RBM47: variants seen among roughly 807,000 people sequenced by gnomAD.
RBM47 encodes the protein RNA binding motif protein 47.
RBM47 carries 21 observed loss-of-function variants against 47.1 expected under a neutral mutation model. That is an observed-to-expected ratio of 0.45 (90% CI 0.32 to 0.64). The LOEUF (loss-of-function observed/expected upper bound fraction) is 0.64, where lower values mean the gene tolerates loss of function less well. Ranked by LOEUF, RBM47 falls within the 30% of genes least tolerant of loss-of-function variation. RBM47 has a pLI of 0.05. For synonymous variants in RBM47, 375 were observed against 361.7 expected, an observed-to-expected ratio of 1.04 and a Z score of -0.42; for missense variants, 708 against 870.9, an observed-to-expected ratio of 0.81 and a Z score of 2.35.
At chr4:40,534,916 T>A (rs1318312639) in intron 2 of RBM47, among the ~76,000 whole-genome samples, 2 of 130,882 alleles carry the variant, frequency 1.5e-5, no homozygotes, top group African/African-American at 6.6e-5. Flanking sequence ...GCCTGGGCGA[T>A]GGAGCAAGAC....
intron 2 of RBM47, among the ~76,000 whole-genome samples, chr4:40,481,472 TTATTATTATTA>T (rs1560406070): frequency 1.4e-4 from 19 of 133,596 alleles, no homozygotes; most frequent in African/African-American, 1.8e-4. Flanking sequence ...ATTATTATTA[TTATTATTATTA>T]TTATTTTTAT....
In RBM47 at chr4:40,450,432, GA is replaced by G. The variant is rs758132718; in HGVS notation, c.-31-11509del. ...AACATAGTGAAACTCTGTCTCTACT[GA>G]AAAAAAAAAAATATAAAACTTAGCC... On this transcript the variant is annotated intron_variant, in intron 3 of 6. Coordinates refer to ENST00000295971, the MANE Select transcript of RBM47 (RefSeq NM_001098634.2). 9.0e-3 allele frequency among the ~76,000 whole-genome samples: 1,291 copies of G among 144,100 alleles called. 8 individuals carry two copies. Among genetic ancestry groups the G allele is most frequent in the Non-Finnish European group, 0.013 (879 of 65,246 alleles). The allele number at this position is 144,100 out of a possible 152,430, so 94.5% of individuals were successfully genotyped here. A position where few individuals can be genotyped will look rare whatever the true frequency, so the allele number is the denominator to read the frequency against.
Position 40,456,248 on chromosome 4 carries a change from T to G in RBM47, c.-32+10329A>C, listed in dbSNP as rs538290824. 2.0e-3 allele frequency among the ~76,000 whole-genome samples: 311 copies of G among 152,324 alleles called. 8 individuals carry two copies. Among genetic ancestry groups the G allele is most frequent in the Admixed American group, 0.02 (311 of 15,292 alleles). ...ATATACCATGTTAAAATTAAAATAT[T>G]ACAATTACTGAAGCAGGTTTAAGAG... On this transcript the variant is annotated intron_variant, in intron 3 of 6. Coordinates refer to ENST00000295971, the MANE Select transcript of RBM47 (RefSeq NM_001098634.2).
Position 40,426,072 on chromosome 4 carries a change from C to G in RBM47, c.1614G>C (p.Gly538=). 6.2e-7 allele frequency: 1 copy of G among 1,614,164 alleles called. No homozygotes were observed. The highest frequency in any genetic ancestry group is 1.1e-5 in the South Asian group (1 of 91,066). The change falls in exon 7 of 7, where the codon GGG becomes GGC. Residue 538 remains glycine (G), a synonymous_variant. Coordinates refer to ENST00000295971, the MANE Select transcript of RBM47 (RefSeq NM_001098634.2). ...GAGCAGCAAATGGCACGTAACTGGC[C>G]CCGTAGATCCCGGCAGTAGGAATTC... The part of the protein sequence containing the change: ...VQRIPTAGIY[G]ASYVPFAAPA...
intron 2 of RBM47, among the ~76,000 whole-genome samples, chr4:40,481,371 C>T (rs561410655): frequency 6.7e-5 from 10 of 149,904 alleles, no homozygotes; most frequent in African/African-American, 2.4e-4. Flanking sequence ...CTCCCAGGTT[C>T]AAGCAATTCT....
At chr4:40,514,788 T>C (rs915571843) in intron 2 of RBM47, 9 of 152,164 alleles carry the variant, frequency 5.9e-5, no homozygotes, top group African/African-American at 1.7e-4. Context: ...AACTTTCAGG[T>C]GGTGGGGGCG....
chr4:40,511,864 G>A (rs1724975562), intron 2 of RBM47, among the ~76,000 whole-genome samples: 2 of 151,462 alleles, frequency 1.3e-5, no homozygotes, highest in Admixed American at 6.6e-5. Flanking sequence ...GAACCTGGGA[G>A]GCACAGGTTA....
intron 6 of RBM47, among the ~76,000 whole-genome samples, chr4:40,431,636 C>A (rs564434191): frequency 1.5e-5 from 2 of 135,924 alleles, no homozygotes; most frequent in East Asian, 2.2e-4. Context: ...CCAGCCTGGG[C>A]GACAGAGCGA....
intron 6 of RBM47, 94 bp downstream of exon 6, chr4:40,432,557 G>T (rs1716322358): frequency 6.4e-7 from 1 of 1,560,516 alleles, no homozygotes. Context: ...AGAGAGCCAG[G>T]CACACAGTAA....
chr4:40,580,348 C>T (rs1732765388), intron 1 of RBM47, among the ~76,000 whole-genome samples: 1 of 151,942 alleles, frequency 6.6e-6, no homozygotes, highest in African/African-American at 2.4e-5. Context: ...AACTGAACAA[C>T]AAAAAGTTTA....
chr4:40,611,755 A>AAACAG (rs1218609680), intron 1 of RBM47, among the ~76,000 whole-genome samples: 3 of 152,002 alleles, frequency 2.0e-5, no homozygotes, highest in African/African-American at 7.2e-5. Flanking sequence ...AAACAAAACA[A>AAACAG]AAAAAACCAC....
intron 2 of RBM47, among the ~76,000 whole-genome samples, chr4:40,519,917 C>T (rs1726033641): frequency 6.6e-6 from 1 of 152,062 alleles, no homozygotes; most frequent in African/African-American, 2.4e-5. Context: ...ATCCACCTGC[C>T]TTGGCCTCCC....
At chr4:40,457,041 T>C (rs79587060) in intron 3 of RBM47, among the ~76,000 whole-genome samples, 2,542 of 152,274 alleles carry the variant, frequency 0.017, 87 homozygotes, top group African/African-American at 0.058. Context: ...ATTTAACTTC[T>C]TTTTGGCAGT....
At chr4:40,587,129 T>C (rs534235187) in intron 1 of RBM47, among the ~76,000 whole-genome samples, 22 of 152,124 alleles carry the variant, frequency 1.4e-4, no homozygotes, top group Non-Finnish European at 2.9e-4. Flanking sequence ...GGAAAGGGCT[T>C]TGTGAAGAGG....
chr4:40,434,947 C>T (rs183185021), intron 5 of RBM47, among the ~76,000 whole-genome samples: 1 of 152,204 alleles, frequency 6.6e-6, no homozygotes, highest in African/African-American at 2.4e-5. Flanking sequence ...GGAGGAGGGT[C>T]GTGCCAATTA....
chr4:40,501,102 A>T (rs1018533272), intron 2 of RBM47, among the ~76,000 whole-genome samples: 2 of 152,200 alleles, frequency 1.3e-5, no homozygotes, highest in Non-Finnish European at 2.9e-5. Context: ...TGAAGTTTTA[A>T]CTCAGAGTCC....
chr4:40,576,240 GTTTTT>G (rs143760914), intron 1 of RBM47, among the ~76,000 whole-genome samples: 40,767 of 114,078 alleles, frequency 0.36, 6,492 homozygotes, highest in Admixed American at 0.48. Context: ...TCTCTTTTCT[GTTTTT>G]TTTTTTTTTT....
chr4:40,478,743 C>T (rs1719991753), intron 2 of RBM47, among the ~76,000 whole-genome samples: 1 of 152,196 alleles, frequency 6.6e-6, no homozygotes, highest in Admixed American at 6.5e-5. Flanking sequence ...CTGCCTTGGC[C>T]TCTCAAAATG....
intron 2 of RBM47, among the ~76,000 whole-genome samples, chr4:40,479,505 G>C (rs1720084674): frequency 1.3e-5 from 2 of 152,026 alleles, no homozygotes; most frequent in Admixed American, 1.3e-4. Context: ...CGGGAAAATT[G>C]CTTGTTTGAG....
Sources: allele counts gnomAD v4.1 joint callset (sites outside exome capture counted in the v4.1 genomes callset), GRCh38; gene constraint gnomAD v4.1.1; transcripts MANE v1.5; gene names NCBI Gene and HGNC (gene_info 2026-07-23, HGNC 2026-07-21).